Variants in UBXN4 observed in about 807,000 individuals in gnomAD.
UBXN4 encodes the protein UBX domain-containing protein 4.
UBXN4 carries 35 observed loss-of-function variants against 66.2 expected under a neutral mutation model. The ratio of observed to expected loss-of-function variants is 0.53; its 90% CI spans 0.40 to 0.70. The LOEUF (loss-of-function observed/expected upper bound fraction) is 0.70, where lower values mean the gene tolerates loss of function less well. UBXN4 is among the 30% of genes least tolerant of loss of function. The probability of loss-of-function intolerance (pLI) is 0.00; values close to 1 mark genes in which losing one functional copy is unlikely to be tolerated. For missense variants in UBXN4, 533 were observed against 599.8 expected, an observed-to-expected ratio of 0.89 and a Z score of 1.16; for synonymous variants, 203 against 204.5, an observed-to-expected ratio of 0.99 and a Z score of 0.06.
rs146919157 is a variant in UBXN4 at position 135,746,143 on chromosome 2, G to A, written c.83-2124G>A. 9.2e-4 allele frequency among the ~76,000 whole-genome samples: 140 copies of A among 152,120 alleles called. 1 individual carries two copies. Among genetic ancestry groups the A allele is most frequent in the African/African-American group, 3.1e-3 (130 of 41,520 alleles). On this transcript the variant is annotated intron_variant, in intron 1 of 12. Transcript: ENST00000272638. ...CGTCCGCCTAAGCCTCACAAAGTGA[G>A]CCACCGTGCCCGACCCCGTTTACTT...
At chr2:135,753,801 C>G in intron 3 of UBXN4, 1 of 457,158 alleles carries the variant, frequency 2.2e-6, no homozygotes, top group South Asian at 4.4e-5. Context: ...TAATATATTG[C>G]AGCTAAAGAT....
intron 2 of UBXN4, among the ~76,000 whole-genome samples, chr2:135,749,578 TCAC>T (rs111966677): frequency 0.016 from 2,505 of 152,322 alleles, 61 homozygotes; most frequent in African/African-American, 0.057. Context: ...TTGAAACAAA[TCAC>T]AGTCACTGTA....
chr2:135,756,107 G>T (rs1197186236), intron 5 of UBXN4, among the ~76,000 whole-genome samples: 11 of 152,034 alleles, frequency 7.2e-5, no homozygotes, highest in Admixed American at 3.9e-4. Context: ...TATTTTTTTT[G>T]ATTAGAGGTA....
chr2:135,747,828 C>A, intron 1 of UBXN4: 1 of 367,260 alleles, frequency 2.7e-6, no homozygotes, highest in Non-Finnish European at 5.4e-6. Flanking sequence ...ACCGTGTTGG[C>A]CAGTCTGGTC....
chr2:135,759,012 G>A (rs1165337904), intron 5 of UBXN4, among the ~76,000 whole-genome samples: 1 of 152,128 alleles, frequency 6.6e-6, no homozygotes, highest in Non-Finnish European at 1.5e-5. Flanking sequence ...GCCTGCCTCA[G>A]CTCCCAAAGT....
chr2:135,747,180 T>C (rs1338537335), intron 1 of UBXN4, among the ~76,000 whole-genome samples: 1 of 83,376 alleles, frequency 1.2e-5, no homozygotes, highest in Non-Finnish European at 2.8e-5. Context: ...ACCCCATCTC[T>C]ACTAAAAATA....
At chr2:135,764,205 CA>C (rs1191325857) in intron 6 of UBXN4, among the ~76,000 whole-genome samples, 1 of 152,142 alleles carries the variant, frequency 6.6e-6, no homozygotes, top group Non-Finnish European at 1.5e-5. Context: ...TCTCAGGCTA[CA>C]GTTGAAACTG....
At chr2:135,773,168 C>G in intron 9 of UBXN4, among the ~76,000 whole-genome samples, 1 of 152,066 alleles carries the variant, frequency 6.6e-6, no homozygotes. Flanking sequence ...AATCCCCTAT[C>G]CGATAGGATT....
At chr2:135,755,778 G>A in intron 5 of UBXN4, 87 bp downstream of exon 5, 1 of 849,144 alleles carries the variant, frequency 1.2e-6, no homozygotes. Flanking sequence ...AAAATATATT[G>A]TATGTATTTT....
chr2:135,747,267 G>C (rs1254658673), intron 1 of UBXN4, among the ~76,000 whole-genome samples: 1 of 146,976 alleles, frequency 6.8e-6, no homozygotes, highest in African/African-American at 2.5e-5. Context: ...AGAATCGCTT[G>C]AACCCGGGAG....
chr2:135,763,321 A>G (rs1329094744), intron 6 of UBXN4, among the ~76,000 whole-genome samples: 1 of 151,984 alleles, frequency 6.6e-6, no homozygotes, highest in East Asian at 1.9e-4. Context: ...CATCTTTTGC[A>G]GGGTATTGAA....
intron 7 of UBXN4, 138 bp from the exon 8 acceptor site, chr2:135,770,433 A>AGCGTG: frequency 7.4e-6 from 4 of 540,106 alleles, no homozygotes; most frequent in Non-Finnish European, 1.3e-5. Context: ...TTGACCATTA[A>AGCGTG]CCATGCCATT....
chr2:135,766,824 A>G (rs1447608088), intron 6 of UBXN4, among the ~76,000 whole-genome samples: 1 of 152,162 alleles, frequency 6.6e-6, no homozygotes, highest in Non-Finnish European at 1.5e-5. Context: ...TAAATATCCT[A>G]CTGCTTAAAA....
intron 12 of UBXN4, 134 bp downstream of exon 12, chr2:135,780,519 T>C (rs1559544773): frequency 1.2e-6 from 1 of 803,084 alleles, no homozygotes; most frequent in Non-Finnish European, 2.0e-6. Flanking sequence ...AAAACTCCGA[T>C]GCTCTGAAAC....
Position 135,783,052 on chromosome 2 carries a change from G to A in UBXN4, c.*165G>A. 1 of 672,690 alleles carries A rather than the reference G, an allele frequency of 1.5e-6. No homozygotes were observed. Among genetic ancestry groups the A allele is most frequent in the Non-Finnish European group, 2.4e-6 (1 of 423,636 alleles). 41.7% of individuals were successfully genotyped at this position (672,690 alleles called of 1,614,324 possible). A position where few individuals can be genotyped will look rare whatever the true frequency, so the allele number is the denominator to read the frequency against. ...GGTTGAAGGTGTTTAACTCAGAAAA[G>A]TAAAGACAGGAAATAACTCTCTGCT... On this transcript the variant is annotated 3_prime_UTR_variant, in exon 13 of 13. Coordinates refer to ENST00000272638, the MANE Select transcript of UBXN4 (RefSeq NM_014607.4).
chr2:135,754,704 C>T (rs190042061), intron 4 of UBXN4, among the ~76,000 whole-genome samples: 148 of 152,344 alleles, frequency 9.7e-4, no homozygotes, highest in Middle Eastern at 3.4e-3. Flanking sequence ...TAAGTACTGT[C>T]TTTGTCACCT....
intron 9 of UBXN4, among the ~76,000 whole-genome samples, chr2:135,773,972 T>G (rs529583762): frequency 6.6e-6 from 1 of 152,338 alleles, no homozygotes; most frequent in East Asian, 1.9e-4. Flanking sequence ...CTAACTGATC[T>G]ATAGATTCAA....
At chr2:135,742,201 C>T (rs909538001) in intron 1 of UBXN4, among the ~76,000 whole-genome samples, 190 bp downstream of exon 1, 1 of 152,206 alleles carries the variant, frequency 6.6e-6, no homozygotes, top group Admixed American at 6.5e-5. Flanking sequence ...AGGGGCCATG[C>T]AGACCCTCAG....
chr2:135,767,834 G>A (rs2077357479), intron 6 of UBXN4, among the ~76,000 whole-genome samples: 1 of 152,108 alleles, frequency 6.6e-6, no homozygotes, highest in South Asian at 2.1e-4. Context: ...AAAGTGGTTA[G>A]GCCAATTTAC....
Sources: gnomAD v4.1 joint callset for allele counts (sites outside exome capture counted in the v4.1 genomes callset) on GRCh38, gnomAD v4.1.1 for gene constraint, MANE v1.5 for transcripts, NCBI Gene and HGNC (gene_info 2026-07-23, HGNC 2026-07-21) for gene names.